The following CHD9 variants were observed in gnomAD, a reference collection of about 807,000 sequenced individuals.
CHD9 encodes the protein chromodomain helicase DNA binding protein 9, also known as ATP-dependent chromatin remodeler CHD9.
Under a neutral mutation model 316.1 loss-of-function variants are expected in CHD9, and 77 were observed. That is an observed-to-expected ratio of 0.24 (90% CI 0.20 to 0.29). CHD9 has a LOEUF of 0.29. Among genes scored for constraint, CHD9 ranks in the 10% least tolerant of loss-of-function variants. The probability of loss-of-function intolerance (pLI) is 1.00; values close to 1 mark genes in which losing one functional copy is unlikely to be tolerated. For synonymous variants in CHD9, 1,129 were observed against 1,158.3 expected, an observed-to-expected ratio of 0.97 and a Z score of 0.51; for missense variants, 2,763 against 3,438.1, an observed-to-expected ratio of 0.80 and a Z score of 4.91.
intron 2 of CHD9, among the ~76,000 whole-genome samples, chr16:53,168,048 C>CTTTA (rs557517155): frequency 0.02 from 2,963 of 151,398 alleles, 52 homozygotes; most frequent in South Asian, 0.032. Context: ...ATAACATTTG[C>CTTTA]TTTATTTATT....
intron 1 of CHD9, among the ~76,000 whole-genome samples, chr16:53,091,004 C>CG (rs952410395): frequency 6.9e-6 from 1 of 145,128 alleles, no homozygotes; most frequent in Admixed American, 6.7e-5. Flanking sequence ...ACAGCTCACC[C>CG]CCCCCCGACT....
chr16:53,317,993 G>A (rs999556752), intron 36 of CHD9, among the ~76,000 whole-genome samples: 1 of 152,020 alleles, frequency 6.6e-6, no homozygotes, highest in Admixed American at 6.6e-5. Context: ...GGATGTGAAG[G>A]CTCCAGTGAG....
At chr16:53,313,795 A>G (rs1198411222) in intron 34 of CHD9, among the ~76,000 whole-genome samples, 2 of 151,924 alleles carry the variant, frequency 1.3e-5, no homozygotes, top group Admixed American at 1.3e-4. Context: ...CTAAACAAAT[A>G]CAAAAAAATT....
chr16:53,137,917 C>T (rs2039838323), intron 1 of CHD9, among the ~76,000 whole-genome samples: 1 of 151,964 alleles, frequency 6.6e-6, no homozygotes, highest in Non-Finnish European at 1.5e-5. Flanking sequence ...ACATCTAAAC[C>T]TTAATCAAAG....
intron 2 of CHD9, among the ~76,000 whole-genome samples, chr16:53,179,457 T>C (rs920445360): frequency 6.6e-6 from 1 of 152,210 alleles, no homozygotes; most frequent in Non-Finnish European, 1.5e-5. Context: ...CTTATACATA[T>C]TTATGTCCCT....
chr16:53,146,419 GTA>G lies in CHD9; in HGVS notation c.-164-9490_-164-9489del, dbSNP rs757165644. Among the ~76,000 whole-genome samples the G allele has an allele frequency of 4.3e-4, 33 of 76,652 alleles. 2 individuals carry two copies. Among genetic ancestry groups the G allele is most frequent in the Non-Finnish European group, 4.3e-4 (18 of 41,420 alleles). The allele number at this position is 76,652 out of a possible 152,430, so 50.3% of individuals were successfully genotyped here. A position where few individuals can be genotyped will look rare whatever the true frequency, so the allele number is the denominator to read the frequency against. On this transcript the variant is annotated intron_variant, in intron 1 of 38. Transcript: ENST00000447540. ...AAAAAAAAATTGTGTGTGTGTGTATGTATATATATATATATATAATTAAAAAG... is the reference window on the plus strand; with the variant it reads ...AAAAAAAAATTGTGTGTGTGTGTATGTATATATATATATATAATTAAAAAG...
chr16:53,308,564 ACTT>A, intron 33 of CHD9, 119 bp from the exon 34 acceptor site: 2 of 671,958 alleles, frequency 3.0e-6, no homozygotes, highest in Non-Finnish European at 5.2e-6. Flanking sequence ...TGAGAAATGA[ACTT>A]CTTTGATGTT....
intron 1 of CHD9, among the ~76,000 whole-genome samples, chr16:53,116,078 G>T (rs1336711005): frequency 1.3e-5 from 2 of 151,950 alleles, no homozygotes; most frequent in East Asian, 3.9e-4. Flanking sequence ...TTTTCTTTTT[G>T]AGACAGAGTC....
At position 53,324,327 on chromosome 16, in the gene CHD9, CT is replaced by C; in HGVS notation, c.8127del (p.Met2710CysfsTer22). On this transcript the variant is annotated frameshift_variant, in exon 39 of 39. Transcript: ENST00000447540. LOFTEE classifies it high-confidence loss of function. ...GGAGGAGAAGCTAAAAACATGGCTGCTATGTTCCCCATGCTGCTGTCAGGAA... is the reference window on the plus strand; with the variant it reads ...GGAGGAGAAGCTAAAAACATGGCTGCATGTTCCCCATGCTGCTGTCAGGAA... Reference protein sequence around the residue: ...PSGGEAKNMAAMFPMLLSGMA... With the variant: ...PSGGEAKNMAXMFPMLLSGMA... 6.2e-7 allele frequency: 1 copy of C among 1,613,952 alleles called. No homozygotes were observed. Among genetic ancestry groups the C allele is most frequent in the Non-Finnish European group, 8.5e-7 (1 of 1,179,870 alleles).
chr16:53,180,942 T>C (rs1474023026), intron 2 of CHD9, among the ~76,000 whole-genome samples: 2 of 152,070 alleles, frequency 1.3e-5, no homozygotes, highest in Non-Finnish European at 2.9e-5. Context: ...CCCAAAGTGA[T>C]TGAATTACAG....
At chr16:53,056,124 C>G (rs2032080971) in intron 1 of CHD9, among the ~76,000 whole-genome samples, 1 of 152,206 alleles carries the variant, frequency 6.6e-6, no homozygotes. Flanking sequence ...CTCCTAGGCT[C>G]AAGCCATTCT....
intron 1 of CHD9, among the ~76,000 whole-genome samples, chr16:53,057,666 A>AG (rs2032326149): frequency 6.6e-6 from 1 of 152,194 alleles, no homozygotes; most frequent in East Asian, 1.9e-4. Flanking sequence ...AAAAAAAAAA[A>AG]GAAAGAAAAA....
At position 53,263,637 on chromosome 16, in the gene CHD9, G is replaced by A. The variant is rs146806460; in HGVS notation, c.4320+540G>A. On this transcript the variant is annotated intron_variant, in intron 20 of 38. Transcript: ENST00000447540. ...ATTGTATAGAAATCAGTGTTTTTCAGTCTTACCAATTATCAAAATAACAGC... is the reference window on the plus strand; with the variant it reads ...ATTGTATAGAAATCAGTGTTTTTCAATCTTACCAATTATCAAAATAACAGC... Among the ~76,000 whole-genome samples the A allele has an allele frequency of 8.5e-5, 13 of 152,100 alleles. No homozygotes were observed. The East Asian group carries it at 1.9e-3, about 23-fold the overall frequency.
intron 12 of CHD9, among the ~76,000 whole-genome samples, chr16:53,241,195 T>C (rs1220851466): frequency 6.6e-6 from 1 of 152,230 alleles, no homozygotes; most frequent in Non-Finnish European, 1.5e-5. Context: ...TTCTTTTCAC[T>C]TAATACCCAA....
intron 27 of CHD9, 27 bp downstream of exon 27, chr16:53,288,041 C>A (rs1322504846): frequency 8.4e-6 from 13 of 1,545,802 alleles, no homozygotes; most frequent in Admixed American, 1.7e-5. Flanking sequence ...ATTTTTAAAT[C>A]CTCAATTTTA....
chr16:53,147,351 T>A (rs2040715329), intron 1 of CHD9, among the ~76,000 whole-genome samples: 1 of 152,172 alleles, frequency 6.6e-6, no homozygotes. Context: ...AGATTGTTTT[T>A]AATTGTAAGA....
chr16:53,086,367 A>C (rs1389413327), intron 1 of CHD9, among the ~76,000 whole-genome samples: 3 of 152,164 alleles, frequency 2.0e-5, no homozygotes, highest in African/African-American at 4.8e-5. Context: ...CACCAATTAT[A>C]CACAGACTGG....
At position 53,235,322 on chromosome 16, in the gene CHD9, T is replaced by C. The variant is rs1212815336; in HGVS notation, c.2633+16T>C. 1.7e-5 allele frequency: 26 copies of C among 1,497,678 alleles called. No individual in the cohort carries two copies. The highest frequency in any genetic ancestry group is 2.4e-5 in the Admixed American group (1 of 41,596). 92.8% of individuals were successfully genotyped at this position (1,497,678 alleles called of 1,614,324 possible). A position where few individuals can be genotyped will look rare whatever the true frequency, so the allele number is the denominator to read the frequency against. On this transcript the variant is annotated intron_variant, in intron 11 of 38. Coordinates refer to ENST00000447540, the MANE Select transcript of CHD9 (RefSeq NM_001308319.2). ...GGTACAATAGGTATGTAGTATATCTTAATAAAAAAAATTTATTTTTTTAAT... is the reference window on the plus strand; with the variant it reads ...GGTACAATAGGTATGTAGTATATCTCAATAAAAAAAATTTATTTTTTTAAT...
Position 53,178,349 on chromosome 16 carries a change from A to G in CHD9, c.1452+20808A>G, listed in dbSNP as rs1000724776. 3.3e-5 allele frequency among the ~76,000 whole-genome samples: 5 copies of G among 151,404 alleles called. No individual in the cohort carries two copies. The South Asian group carries it at 6.2e-4, about 19-fold the overall frequency. On this transcript the variant is annotated intron_variant, in intron 2 of 38. Coordinates refer to ENST00000447540, the MANE Select transcript of CHD9 (RefSeq NM_001308319.2). ...CATGATTTTCTCTCTATGGAAATCA[A>G]CCTCTACTTTGGGCTCCATATCTTC...
Sources: gnomAD v4.1 joint callset for allele counts (sites outside exome capture counted in the v4.1 genomes callset) on GRCh38, gnomAD v4.1.1 for gene constraint, MANE v1.5 for transcripts, NCBI Gene and HGNC (gene_info 2026-07-23, HGNC 2026-07-21) for gene names.